Variants in PLS3 observed in about 807,000 individuals in gnomAD.
PLS3 encodes plastin-3.
Under a neutral mutation model 46.5 loss-of-function variants are expected in PLS3, and 11 were observed. The observed-to-expected ratio is 0.24, with a 90% CI of 0.15 to 0.39. The LOEUF is 0.39. PLS3 is among the 10% of genes least tolerant of loss of function. The pLI is 1.00. For missense variants in PLS3, 308 were observed against 461.8 expected (o/e 0.67, Z 3.05); for synonymous variants, 167 against 162.2 (o/e 1.03, Z -0.22).
chrX:115,610,205 A>AT, intron 1 of PLS3, 38 bp from the exon 2 acceptor site: 3 of 753,755 alleles, frequency 4.0e-6, no homozygotes, highest in Non-Finnish European at 5.9e-6. Context: ...ATTTATCACA[A>AT]TTTTTTAAAG....
intron 5 of PLS3, among the ~76,000 whole-genome samples, chrX:115,632,242 G>A (rs1212029395): frequency 4.5e-5 from 5 of 111,683 alleles, no homozygotes; most frequent in Non-Finnish European, 9.4e-5. Context: ...AATTTTGCAT[G>A]GAAAGAAGCA....
intron 1 of PLS3, among the ~76,000 whole-genome samples, chrX:115,568,584 AG>A (rs1345345822): frequency 8.9e-6 from 1 of 112,304 alleles, no homozygotes; most frequent in Non-Finnish European, 1.9e-5. Flanking sequence ...CATATCTTAC[AG>A]ATAATGCTTC....
intron 1 of PLS3, among the ~76,000 whole-genome samples, chrX:115,573,534 G>T (rs782586248): frequency 1.8e-5 from 2 of 112,302 alleles, no homozygotes; most frequent in African/African-American, 3.2e-5. Flanking sequence ...AAATATTCAT[G>T]TATGCAGAAG....
At chrX:115,584,407 T>C (rs1250563284) in intron 1 of PLS3, among the ~76,000 whole-genome samples, 1 of 112,488 alleles carries the variant, frequency 8.9e-6, no homozygotes, top group Non-Finnish European at 1.9e-5. Flanking sequence ...AATTATTTAA[T>C]GCTATCACTC....
rs782481364 is a variant in PLS3 at position 115,620,044 on chromosome X, T to G, written c.74-2202T>G. On this transcript the variant is annotated intron_variant, in intron 2 of 15. Transcript: ENST00000355899. ...CATGCAGTATACTTAATATTTTAAT[T>G]TAATTTAATTTTTAATCCCCCAGAG... 2.8e-3 allele frequency among the ~76,000 whole-genome samples: 306 copies of G among 110,354 alleles called. 1 individual carries two copies. The highest frequency in any genetic ancestry group is 4.2e-3 in the Non-Finnish European group (225 of 53,222).
chrX:115,623,033 C>G (rs1325048181), intron 3 of PLS3, among the ~76,000 whole-genome samples: 1 of 111,363 alleles, frequency 9.0e-6, no homozygotes, highest in Non-Finnish European at 1.9e-5. Context: ...CACCCCACTC[C>G]CAGAACTTAG....
chrX:115,636,071 A>G (rs2147555781), intron 7 of PLS3, among the ~76,000 whole-genome samples: 2 of 111,630 alleles, frequency 1.8e-5, no homozygotes, highest in South Asian at 7.6e-4. Context: ...TTCTGTTAAA[A>G]TAGGATTGAG....
chrX:115,596,114 GA>G (rs2147453957), intron 1 of PLS3, among the ~76,000 whole-genome samples: 1 of 112,100 alleles, frequency 8.9e-6, no homozygotes, highest in African/African-American at 3.2e-5. Context: ...CAAACATCTT[GA>G]AGAGTTTTTT....
intron 1 of PLS3, among the ~76,000 whole-genome samples, chrX:115,604,455 T>C (rs1326769217): frequency 2.7e-5 from 3 of 112,028 alleles, no homozygotes; most frequent in African/African-American, 9.7e-5. Context: ...GGTATTATTA[T>C]CACTATTTTC....
intron 3 of PLS3, among the ~76,000 whole-genome samples, chrX:115,628,265 A>T (rs1473685505): frequency 1.8e-5 from 2 of 112,391 alleles, no homozygotes; most frequent in Non-Finnish European, 1.9e-5. Context: ...GTGTGAATAC[A>T]TATCTGTCAC....
intron 3 of PLS3, among the ~76,000 whole-genome samples, chrX:115,626,412 G>C (rs1160796512): frequency 1.8e-5 from 2 of 109,265 alleles, no homozygotes; most frequent in African/African-American, 6.7e-5. Flanking sequence ...AGTCTCCAGA[G>C]TAGCTGGGAT....
chrX:115,610,385 C>A, intron 2 of PLS3, 62 bp downstream of exon 2: 1 of 570,161 alleles, frequency 1.8e-6, no homozygotes, highest in Non-Finnish European at 2.8e-6. Context: ...AAAGTTATTT[C>A]TCTATAAATA....
At chrX:115,592,884 A>G (rs975281255) in intron 1 of PLS3, among the ~76,000 whole-genome samples, 1 of 110,854 alleles carries the variant, frequency 9.0e-6, no homozygotes, top group East Asian at 2.9e-4. Flanking sequence ...TTTGAACCCA[A>G]TCTGGCTCCA....
chrX:115,562,977 G>T (rs1321083911), intron 1 of PLS3, among the ~76,000 whole-genome samples: 1 of 111,312 alleles, frequency 9.0e-6, no homozygotes, highest in African/African-American at 3.3e-5. Context: ...TAAAATAAGG[G>T]ATTGAAATAT....
intron 1 of PLS3, among the ~76,000 whole-genome samples, chrX:115,605,750 C>T (rs1374461219): frequency 8.9e-6 from 1 of 111,774 alleles, no homozygotes; most frequent in Non-Finnish European, 1.9e-5. Flanking sequence ...AGGCATGAGC[C>T]AGCACTTGCT....
intron 1 of PLS3, among the ~76,000 whole-genome samples, chrX:115,567,579 G>C (rs782725177): frequency 4.6e-5 from 5 of 109,560 alleles, no homozygotes; most frequent in Non-Finnish European, 7.6e-5. Flanking sequence ...GCTACCGAGT[G>C]AGACCCCATC....
intron 1 of PLS3, among the ~76,000 whole-genome samples, chrX:115,599,769 A>G (rs1241518904): frequency 9.3e-6 from 1 of 108,035 alleles, no homozygotes; most frequent in African/African-American, 3.4e-5. Context: ...AGTAGCTGGG[A>G]CTACAGGCAC....
chrX:115,587,734 CA>C (rs60273885), intron 1 of PLS3, among the ~76,000 whole-genome samples: 105 of 42,493 alleles, frequency 2.5e-3, no homozygotes, highest in Middle Eastern at 0.015. Context: ...GACTCCGTCT[CA>C]AAAAAAAAAA....
intron 6 of PLS3, 148 bp from the exon 7 acceptor site, chrX:115,634,733 G>A: frequency 1.9e-6 from 1 of 522,806 alleles, no homozygotes; most frequent in Admixed American, 4.0e-5. Flanking sequence ...ACAAAACTCT[G>A]GAATTTGTTT....
Sources: allele counts gnomAD v4.1 joint callset (sites outside exome capture counted in the v4.1 genomes callset), GRCh38; gene constraint gnomAD v4.1.1; transcripts MANE v1.5; gene names NCBI Gene and HGNC (gene_info 2026-07-23, HGNC 2026-07-21).